The following FLCN variants were observed in gnomAD, a reference collection of about 807,000 sequenced individuals.
The protein encoded by FLCN is BHD skin lesion fibrofolliculoma protein.
Under a neutral mutation model 62.5 loss-of-function variants are expected in FLCN, and 22 were observed. That is an observed-to-expected ratio of 0.35 (90% CI 0.25 to 0.50). FLCN has a LOEUF of 0.50. FLCN is among the 20% of genes least tolerant of loss of function. The pLI, the probability that FLCN is intolerant of heterozygous loss-of-function variation, is 0.97. For synonymous variants in FLCN, 319 were observed against 310.0 expected (o/e 1.03, Z -0.30); for missense variants, 657 against 778.0 (o/e 0.84, Z 1.85).
intron 1 of FLCN, among the ~76,000 whole-genome samples, chr17:17,233,326 G>A (rs900188397): frequency 4.6e-5 from 7 of 152,098 alleles, no homozygotes; most frequent in East Asian, 1.9e-4. Context: ...GGCCGGGCGC[G>A]GTGGCTCACG....
chr17:17,215,142 G>T, intron 12 of FLCN, 43 bp downstream of exon 12: 1 of 1,613,926 alleles, frequency 6.2e-7, no homozygotes, highest in East Asian at 2.2e-5. Flanking sequence ...GCGGGGCGGG[G>T]GCATCTTCTC....
intron 11 of FLCN, among the ~76,000 whole-genome samples, chr17:17,215,961 G>A (rs1373251177): frequency 6.6e-6 from 1 of 152,214 alleles, no homozygotes; most frequent in African/African-American, 2.4e-5. Context: ...ATGAGGTGAA[G>A]AAAAAGGCTG....
intron 4 of FLCN, among the ~76,000 whole-genome samples, chr17:17,227,012 C>T (rs1428495043): frequency 1.3e-5 from 2 of 152,262 alleles, no homozygotes; most frequent in Middle Eastern, 3.2e-3. Flanking sequence ...AAGGATGCCC[C>T]AGCAGCCTGG....
At position 17,236,602 on chromosome 17, in the gene FLCN, G is replaced by T. The variant is rs141195096; in HGVS notation, c.-228+310C>A. ...GAGGACACGGTGCTACCCTATTAGCGCATCAGAGGACCCTCCTGAACGCCA... is the reference window on the plus strand; with the variant it reads ...GAGGACACGGTGCTACCCTATTAGCTCATCAGAGGACCCTCCTGAACGCCA... On this transcript the variant is annotated intron_variant, in intron 1 of 13. Coordinates refer to ENST00000285071, the MANE Select transcript of FLCN (RefSeq NM_144997.7). Among the ~76,000 whole-genome samples, 537 of 152,238 alleles carry T rather than the reference G, an allele frequency of 3.5e-3. 1 individual carries two copies. Among genetic ancestry groups the T allele is most frequent in the African/African-American group, 0.012 (496 of 41,532 alleles).
rs765251703 is a variant in FLCN, at chr17:17,228,089, G to A, written c.49C>T (p.Arg17Cys). 1.9e-6 allele frequency: 3 copies of A among 1,613,366 alleles called. No homozygotes were observed. Among genetic ancestry groups the A allele is most frequent in the Non-Finnish European group, 2.5e-6 (3 of 1,180,050 alleles). The change falls in exon 4 of 14, where the codon CGC becomes TGC. Residue 17 changes from arginine (R) to cysteine (C), a missense_variant. By Grantham distance (180) the Arg-to-Cys change is radical (BLOSUM62 -3). Transcript: ENST00000285071. ...LCHFCELHGPRTLFCTEVLHA... is the reference protein window; with the variant it reads ...LCHFCELHGPCTLFCTEVLHA... ...AGCACCTCCGTGCAGAAGAGAGTGCGGGGGCCGTGGAGCTCGCAGAAGTGG... is the reference window on the plus strand; with the variant it reads ...AGCACCTCCGTGCAGAAGAGAGTGCAGGGGCCGTGGAGCTCGCAGAAGTGG...
intron 13 of FLCN, among the ~76,000 whole-genome samples, chr17:17,214,415 A>G (rs1331805185): frequency 5.9e-5 from 9 of 151,612 alleles, no homozygotes; most frequent in East Asian, 2.1e-4. Context: ...CCAACATGCT[A>G]AAACCCTGTC....
At chr17:17,215,450 T>G in intron 11 of FLCN, 134 bp from the exon 12 acceptor site, 2 of 1,375,050 alleles carry the variant, frequency 1.5e-6, no homozygotes, top group African/African-American at 1.4e-5. Flanking sequence ...CTGGCCCAAA[T>G]CAATGCTTTG....
intron 9 of FLCN, 78 bp downstream of exon 9, chr17:17,218,941 G>A: frequency 1.3e-6 from 2 of 1,534,800 alleles, no homozygotes; most frequent in South Asian, 1.1e-5. Context: ...AGGGTCCAGA[G>A]GCAAGGCGTG....
rs201396828 is a variant in FLCN at position 17,221,408 on chromosome 17, G to C, written c.871+129C>G. 1.9e-5 allele frequency: 31 copies of C among 1,613,578 alleles called. No homozygotes were observed. The East Asian group carries it at 6.7e-4, about 35-fold the overall frequency. ...ACCGAGATCGGAGGGTGAGCTTCCC[G>C]AAGGCTCGTTCTGGGCTGATTCAGA... On this transcript the variant is annotated intron_variant, in intron 8 of 13. Coordinates refer to ENST00000285071, the MANE Select transcript of FLCN (RefSeq NM_144997.7).
In FLCN at chr17:17,219,056, T is replaced by G. The variant is rs1363823549; in HGVS notation, c.1025A>C (p.Lys342Thr). The G allele has an allele frequency of 6.2e-7, 1 of 1,613,840 alleles. No individual in the cohort carries two copies. The highest frequency in any genetic ancestry group is 1.1e-5 in the South Asian group (1 of 91,074). ...LSGCGSWQPR[K>T]LPVFKSLRHM... is the part of the protein sequence containing the mutation. ...CCGGAGGGACTTGAAGACTGGCAGCTTCCGGGGCTGCCAGCTCCCACAGCC... is the reference window on the plus strand; with the variant it reads ...CCGGAGGGACTTGAAGACTGGCAGCGTCCGGGGCTGCCAGCTCCCACAGCC... Residue 342 changes from lysine (K) to threonine (T), a missense_variant, in exon 9 of 14, where the codon AAG becomes ACG. Physicochemically the swap from Lys to Thr is moderately conservative, Grantham distance 78 (BLOSUM62 -1). Transcript: ENST00000285071.
At chr17:17,219,361 G>C (rs1312876713) in intron 8 of FLCN, 152 bp from the exon 9 acceptor site, 1 of 724,554 alleles carries the variant, frequency 1.4e-6, no homozygotes, top group Non-Finnish European at 2.4e-6. Context: ...TGGGAGCCCT[G>C]GGGTGGGAGG....
At chr17:17,236,130 C>T (rs1260702713) in intron 1 of FLCN, 1 of 152,238 alleles carries the variant, frequency 6.6e-6, no homozygotes, top group African/African-American at 2.4e-5. Context: ...GGACACACAG[C>T]TTCTATAACT....
At position 17,224,164 on chromosome 17, in the gene FLCN, C is replaced by G. The variant is rs149414632; in HGVS notation, c.397-21G>C. On this transcript the variant is annotated intron_variant, in intron 5 of 13. Coordinates refer to ENST00000285071, the MANE Select transcript of FLCN (RefSeq NM_144997.7). ...CAGACCTGGAGGGACACCGGCGACT[C>G]AGACAGCCCTTTCCTCGCTTAGTGA... 2.6e-4 allele frequency: 406 copies of G among 1,557,226 alleles called. 4 individuals are homozygous for G. In the East Asian group the frequency reaches 7.5e-3, roughly 29 times the overall value.
intron 3 of FLCN, among the ~76,000 whole-genome samples, chr17:17,230,587 G>T (rs188027821): frequency 6.6e-6 from 1 of 151,994 alleles, no homozygotes; most frequent in Admixed American, 6.6e-5. Flanking sequence ...TTAGCTGGGC[G>T]TGTTGGCGGT....
At chr17:17,215,363 C>G (rs199726816) in intron 11 of FLCN, 47 bp from the exon 12 acceptor site, 1 of 1,612,456 alleles carries the variant, frequency 6.2e-7, no homozygotes, top group Admixed American at 1.7e-5. Flanking sequence ...CCATGCTCCT[C>G]ACCTCCCCTG....
chr17:17,227,901 C>T lies in FLCN; in HGVS notation c.237G>A (p.Ser79=), dbSNP rs771650940. The part of the protein sequence containing the change: ...VESSSPGPKK[S]DMCEGCRSLA... ...CAAAGACACTTGCCTCGCACATGTC[C>T]GACTTTTTGGGCCCCGGGCTGCTGG... The change falls in exon 4 of 14, where the codon TCG becomes TCA. Residue 79 remains serine, a synonymous_variant. Coordinates refer to ENST00000285071, the MANE Select transcript of FLCN (RefSeq NM_144997.7). 12 of 1,614,110 alleles carry T rather than the reference C, an allele frequency of 7.4e-6. No individual in the cohort carries two copies. The highest frequency in any genetic ancestry group is 1.3e-5 in the African/African-American group (1 of 75,046).
At chr17:17,221,453 G>T in intron 8 of FLCN, 84 bp downstream of exon 8, 1 of 1,613,996 alleles carries the variant, frequency 6.2e-7, no homozygotes. Context: ...CCCTCCCTCA[G>T]CGATTCCTGC....
chr17:17,218,074 CAAAT>C (rs1160786140), intron 9 of FLCN, among the ~76,000 whole-genome samples: 2 of 152,294 alleles, frequency 1.3e-5, no homozygotes, highest in Admixed American at 6.5e-5. Context: ...TTTTCAAAAA[CAAAT>C]AACTCTCTTC....
chr17:17,218,865 C>T (rs1047803150), intron 9 of FLCN, among the ~76,000 whole-genome samples, 154 bp downstream of exon 9: 2 of 152,218 alleles, frequency 1.3e-5, no homozygotes, highest in African/African-American at 2.4e-5. Context: ...ATACCCCCAA[C>T]GCCCTGTGCC....
Sources: allele counts gnomAD v4.1 joint callset (sites outside exome capture counted in the v4.1 genomes callset), GRCh38; gene constraint gnomAD v4.1.1; transcripts MANE v1.5; gene names NCBI Gene and HGNC (gene_info 2026-07-23, HGNC 2026-07-21).